The following PDS5A variants were observed in gnomAD, a reference collection of about 807,000 sequenced individuals.
The protein encoded by PDS5A is PDS5 cohesin associated factor A, also known as sister chromatid cohesion protein PDS5 homolog A.
Under a neutral mutation model 167.1 loss-of-function variants are expected in PDS5A, and 42 were observed. The observed-to-expected ratio is 0.25, with a 90% CI of 0.20 to 0.33. PDS5A has a LOEUF of 0.33. Ranked by LOEUF, PDS5A falls within the 10% of genes least tolerant of loss-of-function variation. The pLI, the probability that PDS5A is intolerant of heterozygous loss-of-function variation, is 1.00. For missense variants in PDS5A, 1,033 were observed against 1,605.9 expected, an observed-to-expected ratio of 0.64 and a Z score of 6.10; for synonymous variants, 553 against 554.6, an observed-to-expected ratio of 1.00 and a Z score of 0.04.
At chr4:39,933,839 A>G (rs1299930461) in intron 2 of PDS5A, among the ~76,000 whole-genome samples, 1 of 152,190 alleles carries the variant, frequency 6.6e-6, no homozygotes, top group Non-Finnish European at 1.5e-5. Context: ...ATTCCCTTGC[A>G]ATGGAGTTGA....
chr4:39,882,838 T>C (rs1258294188), intron 17 of PDS5A, among the ~76,000 whole-genome samples: 1 of 152,170 alleles, frequency 6.6e-6, no homozygotes, highest in African/African-American at 2.4e-5. Context: ...CACAGGGCTA[T>C]CATGATGAAA....
intron 21 of PDS5A, among the ~76,000 whole-genome samples, chr4:39,870,890 G>T (rs1016035175): frequency 2.0e-5 from 3 of 152,062 alleles, no homozygotes; most frequent in Admixed American, 6.6e-5. Context: ...ATTCACAACA[G>T]CCAACACGTA....
At chr4:39,921,880 T>C (rs2109716407) in intron 6 of PDS5A, among the ~76,000 whole-genome samples, 1 of 152,356 alleles carries the variant, frequency 6.6e-6, no homozygotes, top group African/African-American at 2.4e-5. Flanking sequence ...TAAACTACAT[T>C]TGAATTAATA....
intron 21 of PDS5A, among the ~76,000 whole-genome samples, chr4:39,871,621 C>T (rs1720036439): frequency 1.3e-5 from 2 of 152,186 alleles, no homozygotes; most frequent in African/African-American, 2.4e-5. Flanking sequence ...GAAAGTCATC[C>T]ACAATGATCC....
intron 2 of PDS5A, among the ~76,000 whole-genome samples, chr4:39,971,944 C>T (rs899962387): frequency 6.6e-6 from 1 of 152,030 alleles, no homozygotes; most frequent in Admixed American, 6.5e-5. Context: ...AGAAGGATCC[C>T]TAATTAAGTA....
At chr4:39,903,254 C>A (rs954770747) in intron 12 of PDS5A, among the ~76,000 whole-genome samples, 2 of 152,154 alleles carry the variant, frequency 1.3e-5, no homozygotes, top group African/African-American at 4.8e-5. Context: ...GTAGTTTTTC[C>A]TGTGTACATC....
intron 17 of PDS5A, among the ~76,000 whole-genome samples, chr4:39,887,686 CA>C (rs35737883): frequency 6.6e-6 from 1 of 151,878 alleles, no homozygotes; most frequent in Admixed American, 6.6e-5. Flanking sequence ...GTTAACATCC[CA>C]AAAGTACAGG....
At chr4:39,867,123 G>A in intron 22 of PDS5A, 126 bp from the exon 23 acceptor site, 4 of 722,950 alleles carry the variant, frequency 5.5e-6, no homozygotes, top group Admixed American at 5.9e-5. Flanking sequence ...ATAAGTCTAT[G>A]GGATAATAAC....
At chr4:39,886,400 A>G (rs1165434877) in intron 17 of PDS5A, among the ~76,000 whole-genome samples, 1 of 152,028 alleles carries the variant, frequency 6.6e-6, no homozygotes, top group Non-Finnish European at 1.5e-5. Context: ...AATTACTTTG[A>G]GTAGTACTGT....
At position 39,920,452 on chromosome 4, in the gene PDS5A, T is replaced by C. The variant is rs1001209589; in HGVS notation, c.655-53A>G. The C allele has an allele frequency of 7.8e-5, 65 of 832,004 alleles. No individual in the cohort carries two copies. The East Asian group carries it at 1.0e-3, about 13-fold the overall frequency. The allele number at this position is 832,004 out of a possible 1,614,324, so 51.5% of individuals were successfully genotyped here. ...TACAAATAAATGTTAATTTATGAGA[T>C]AGTAACATTAGAATACTGTAGTCTT... On this transcript the variant is annotated intron_variant, in intron 6 of 32. Coordinates refer to ENST00000303538, the MANE Select transcript of PDS5A (RefSeq NM_001100399.2).
At chr4:39,963,988 C>T (rs1729745342) in intron 2 of PDS5A, among the ~76,000 whole-genome samples, 1 of 152,096 alleles carries the variant, frequency 6.6e-6, no homozygotes, top group South Asian at 2.1e-4. Context: ...CTCACTGCAA[C>T]CTCTGCCTCC....
At chr4:39,958,364 G>A (rs1054983937) in intron 2 of PDS5A, among the ~76,000 whole-genome samples, 7 of 151,564 alleles carry the variant, frequency 4.6e-5, no homozygotes, top group East Asian at 2.0e-4. Context: ...AAATTTAACC[G>A]GGCATGGTGG....
intron 17 of PDS5A, among the ~76,000 whole-genome samples, chr4:39,887,028 CTT>C (rs1721537823): frequency 6.6e-6 from 1 of 151,994 alleles, no homozygotes; most frequent in Non-Finnish European, 1.5e-5. Flanking sequence ...TCGGTGGAGT[CTT>C]TAGCTTTTTC....
intron 2 of PDS5A, among the ~76,000 whole-genome samples, chr4:39,953,903 T>A (rs146937288): frequency 3.7e-4 from 57 of 152,242 alleles, no homozygotes; most frequent in Admixed American, 3.1e-3. Context: ...AAGCACAATA[T>A]GCAATATTAA....
intron 14 of PDS5A, 102 bp from the exon 15 acceptor site, chr4:39,898,927 A>C (rs564055322): frequency 8.0e-6 from 6 of 747,122 alleles, no homozygotes; most frequent in Non-Finnish European, 1.1e-5. Flanking sequence ...CATGACGTTA[A>C]AAAATAAAGT....
intron 2 of PDS5A, among the ~76,000 whole-genome samples, chr4:39,968,683 C>T (rs909654126): frequency 6.6e-6 from 1 of 151,506 alleles, no homozygotes; most frequent in Non-Finnish European, 1.5e-5. Flanking sequence ...TCACCCACCT[C>T]GGCCTTCCAA....
intron 11 of PDS5A, among the ~76,000 whole-genome samples, chr4:39,907,384 A>T (rs960037334): frequency 2.0e-5 from 3 of 152,202 alleles, no homozygotes; most frequent in African/African-American, 4.8e-5. Flanking sequence ...CCCTGAAATT[A>T]TAATACTCAT....
At chr4:39,877,832 C>T (rs1453526544) in intron 18 of PDS5A, among the ~76,000 whole-genome samples, 1 of 151,944 alleles carries the variant, frequency 6.6e-6, no homozygotes, top group African/African-American at 2.4e-5. Flanking sequence ...GTCTCCAACC[C>T]CTGTGCTCAA....
intron 3 of PDS5A, among the ~76,000 whole-genome samples, chr4:39,927,511 A>T (rs1305805258): frequency 6.6e-6 from 1 of 152,220 alleles, no homozygotes; most frequent in Non-Finnish European, 1.5e-5. Flanking sequence ...CAAGAGATCA[A>T]TGTTAAGAGT....
Sources: allele counts gnomAD v4.1 joint callset (sites outside exome capture counted in the v4.1 genomes callset), GRCh38; gene constraint gnomAD v4.1.1; transcripts MANE v1.5; gene names NCBI Gene and HGNC (gene_info 2026-07-23, HGNC 2026-07-21).